The following SCUBE2 variants were observed in gnomAD, a reference collection of about 807,000 sequenced individuals.
SCUBE2 encodes signal peptide, CUB and EGF-like domain-containing protein 2.
Under a neutral mutation model 125.9 loss-of-function variants are expected in SCUBE2, and 114 were observed. The ratio of observed to expected loss-of-function variants is 0.91; its 90% CI spans 0.78 to 1.06. The LOEUF is 1.06. SCUBE2 is among the 50% of genes least tolerant of loss of function. The pLI, the probability that SCUBE2 is intolerant of heterozygous loss-of-function variation, is 0.00. For synonymous variants in SCUBE2, 459 were observed against 492.9 expected (o/e 0.93, Z 0.91); for missense variants, 1,255 against 1,301.8 (o/e 0.96, Z 0.55).
chr11:9,020,566 C>T lies in SCUBE2; in HGVS notation c.*479G>A, dbSNP rs1427791244. On this transcript the variant is annotated 3_prime_UTR_variant, in exon 23 of 23. Coordinates refer to ENST00000649792, the MANE Select transcript of SCUBE2 (RefSeq NM_001367977.2). Reference sequence around the variant, plus strand: ...GTGGGTGGAGGGAGCCTGCAGGGGTCTCCTTCCCTCCCCTCTTGCCTGTTC... The same window carrying T: ...GTGGGTGGAGGGAGCCTGCAGGGGTTTCCTTCCCTCCCCTCTTGCCTGTTC... The T allele has an allele frequency of 3.9e-5, 6 of 152,162 alleles. No individual in the cohort carries two copies. The highest frequency in any genetic ancestry group is 1.4e-4 in the African/African-American group (6 of 41,404). The allele number at this position is 152,162 out of a possible 1,614,324, so 9.4% of individuals were successfully genotyped here.
At position 9,020,943 on chromosome 11, in the gene SCUBE2, G is replaced by T; in HGVS notation, c.*102C>A. The T allele has an allele frequency of 9.9e-7, 1 of 1,010,714 alleles. No individual in the cohort carries two copies. Among genetic ancestry groups the T allele is most frequent in the Non-Finnish European group, 1.4e-6 (1 of 710,620 alleles). 62.6% of individuals were successfully genotyped at this position (1,010,714 alleles called of 1,614,324 possible). A position where few individuals can be genotyped will look rare whatever the true frequency, so the allele number is the denominator to read the frequency against. ...TTGAACTCTAATGAGTCACTGATAC[G>T]GGAGGCAGCAATACCCGACTGTGCT... On this transcript the variant is annotated 3_prime_UTR_variant, in exon 23 of 23. Transcript: ENST00000649792.
chr11:9,021,075 T>C lies in SCUBE2; in HGVS notation c.3057A>G (p.Lys1019=), dbSNP rs764160812. 2.5e-6 allele frequency: 4 copies of C among 1,613,688 alleles called. No homozygotes were observed. Among genetic ancestry groups the C allele is most frequent in the Non-Finnish European group, 2.5e-6 (3 of 1,179,838 alleles). Residue 1019 remains lysine (K), a synonymous_variant, in exon 23 of 23, where the codon AAA becomes AAG. Coordinates refer to ENST00000649792, the MANE Select transcript of SCUBE2 (RefSeq NM_001367977.2). The stretch of plus-strand genomic sequence containing the variant: ...TGTAAGGTCTCAAAAACCTGGACAC[T>C]TTGGAACGTAGCAATCGGATGAACG... ...PRSFIRLLRS[K]VSRFLRPYK
At chr11:9,087,627 C>T (rs980893117) in intron 2 of SCUBE2, among the ~76,000 whole-genome samples, 1 of 152,154 alleles carries the variant, frequency 6.6e-6, no homozygotes, top group Non-Finnish European at 1.5e-5. Flanking sequence ...CCAATGGGAG[C>T]GGTGGGAGCC....
At chr11:9,069,945 A>G (rs1564839808) in intron 4 of SCUBE2, among the ~76,000 whole-genome samples, 1 of 152,216 alleles carries the variant, frequency 6.6e-6, no homozygotes, top group Non-Finnish European at 1.5e-5. Flanking sequence ...AAAACATTTC[A>G]ACGCCCCTCT....
intron 4 of SCUBE2, among the ~76,000 whole-genome samples, chr11:9,073,339 C>T (rs903300878): frequency 2.0e-5 from 3 of 152,142 alleles, no homozygotes; most frequent in African/African-American, 7.2e-5. Flanking sequence ...GTGTGACTTC[C>T]CCGCCCCAAA....
rs561975903 is a variant in SCUBE2, at chr11:9,027,929, C to T, written c.2504-368G>A. Among the ~76,000 whole-genome samples, 29 of 152,324 alleles carry T rather than the reference C, an allele frequency of 1.9e-4. No individual in the cohort carries two copies. The South Asian group carries it at 6.0e-3, about 32-fold the overall frequency. On this transcript the variant is annotated intron_variant, in intron 19 of 22. Coordinates refer to ENST00000649792, the MANE Select transcript of SCUBE2 (RefSeq NM_001367977.2). ...TCTAGGTCTCTCAAAATAGGGGGAA[C>T]AGAGCTCATTGCTCTGCAGAGACTA...
chr11:9,037,854 T>C (rs141765510), intron 16 of SCUBE2, among the ~76,000 whole-genome samples: 56 of 152,370 alleles, frequency 3.7e-4, no homozygotes, highest in African/African-American at 6.5e-4. Flanking sequence ...TTCTTCCTTA[T>C]TGGGTTCCCA....
intron 13 of SCUBE2, among the ~76,000 whole-genome samples, chr11:9,052,461 C>T (rs979281451): frequency 2.6e-5 from 4 of 152,250 alleles, no homozygotes; most frequent in Admixed American, 1.3e-4. Flanking sequence ...CTCTGGAGTA[C>T]AGCCTGCTGG....
chr11:9,047,232 T>G, intron 16 of SCUBE2, 124 bp downstream of exon 16: 1 of 941,746 alleles, frequency 1.1e-6, no homozygotes, highest in Non-Finnish European at 1.6e-6. Context: ...ACAGAAGCAC[T>G]GCCCGGAGTG....
chr11:9,059,663 T>C (rs879421441), intron 8 of SCUBE2: 1 of 521,660 alleles, frequency 1.9e-6, no homozygotes, highest in Non-Finnish European at 3.4e-6. Context: ...ATGCCCTTGA[T>C]TGGCATTAAG....
At chr11:9,028,664 GA>G (rs1339116613) in intron 19 of SCUBE2, among the ~76,000 whole-genome samples, 3 of 151,978 alleles carry the variant, frequency 2.0e-5, no homozygotes, top group Non-Finnish European at 2.9e-5. Context: ...ATTATTACTA[GA>G]AAAAAAATAA....
intron 10 of SCUBE2, among the ~76,000 whole-genome samples, chr11:9,054,779 A>G (rs911837137): frequency 1.8e-5 from 2 of 109,226 alleles, no homozygotes; most frequent in African/African-American, 7.5e-5. Context: ...CTTATTGCCC[A>G]GGCTGGAGTG....
chr11:9,021,915 G>A lies in SCUBE2; in HGVS notation c.2895C>T (p.Gly965=), dbSNP rs1855325857. 1 of 1,613,752 alleles carries A rather than the reference G, an allele frequency of 6.2e-7. No individual in the cohort carries two copies. Among genetic ancestry groups the A allele is most frequent in the South Asian group, 1.1e-5 (1 of 91,082 alleles). Residue 965 remains glycine (G), a synonymous_variant, in exon 22 of 23, where the codon GGC becomes GGT. Coordinates refer to ENST00000649792, the MANE Select transcript of SCUBE2 (RefSeq NM_001367977.2). ...QELIEDIVRD[G]RLYASENHQE... ...GATGGTTCTCAGATGCATAGAGCCT[G>A]CCATCTCGAACTATGTCTTCAATGA...
intron 13 of SCUBE2, among the ~76,000 whole-genome samples, 189 bp downstream of exon 13, chr11:9,052,557 G>A (rs1461569588): frequency 1.3e-5 from 2 of 152,212 alleles, no homozygotes; most frequent in Non-Finnish European, 2.9e-5. Flanking sequence ...CACACAGTAA[G>A]TATCTGTTAC....
At chr11:9,081,673 CA>C (rs76482625) in intron 2 of SCUBE2, among the ~76,000 whole-genome samples, 67 of 82,126 alleles carry the variant, frequency 8.2e-4, no homozygotes, top group African/African-American at 2.1e-3. Flanking sequence ...AACAAACAAA[CA>C]AAAAAAAAAA....
At chr11:9,031,538 G>A (rs1472704659) in intron 17 of SCUBE2, among the ~76,000 whole-genome samples, 2 of 152,080 alleles carry the variant, frequency 1.3e-5, no homozygotes, top group Non-Finnish European at 2.9e-5. Context: ...TGAGGCAGGA[G>A]GATCACTTGA....
At chr11:9,070,097 T>C (rs1321130522) in intron 4 of SCUBE2, among the ~76,000 whole-genome samples, 1 of 152,008 alleles carries the variant, frequency 6.6e-6, no homozygotes, top group East Asian at 1.9e-4. Context: ...CATAAGCCTC[T>C]GACAGCATCA....
At chr11:9,071,585 T>A (rs1476472526) in intron 4 of SCUBE2, among the ~76,000 whole-genome samples, 1 of 152,190 alleles carries the variant, frequency 6.6e-6, no homozygotes, top group Non-Finnish European at 1.5e-5. Flanking sequence ...TTTCCAAAAT[T>A]GGTCTGGTTG....
intron 2 of SCUBE2, among the ~76,000 whole-genome samples, chr11:9,086,026 G>C (rs537774091): frequency 1.4e-4 from 22 of 152,090 alleles, no homozygotes; most frequent in Admixed American, 5.2e-4. Context: ...TAGAGAGAAG[G>C]TCTCACTATG....
Sources: gnomAD v4.1 joint callset for allele counts (sites outside exome capture counted in the v4.1 genomes callset) on GRCh38, gnomAD v4.1.1 for gene constraint, MANE v1.5 for transcripts, NCBI Gene and HGNC (gene_info 2026-07-23, HGNC 2026-07-21) for gene names.